Variants in ATP6V1C2 observed in about 807,000 individuals in gnomAD.
ATP6V1C2 encodes the protein ATPase H+ transporting V1 subunit C2, also known as V-type proton ATPase subunit C 2.
In ATP6V1C2, 45 loss-of-function variants were observed where a neutral mutation model predicts 56.8. The observed-to-expected ratio is 0.79, with a 90% CI of 0.62 to 1.02. ATP6V1C2 has a LOEUF of 1.02. ATP6V1C2 is among the 50% of genes least tolerant of loss of function. The probability of loss-of-function intolerance (pLI) is 0.00; values close to 1 mark genes in which losing one functional copy is unlikely to be tolerated. For synonymous variants in ATP6V1C2, 220 were observed against 201.3 expected (o/e 1.09, Z -0.79); for missense variants, 463 against 519.7 (o/e 0.89, Z 1.06).
At chr2:10,740,890 T>C (rs1239128702) in intron 3 of ATP6V1C2, among the ~76,000 whole-genome samples, 3 of 152,232 alleles carry the variant, frequency 2.0e-5, no homozygotes, top group African/African-American at 7.2e-5. Flanking sequence ...TTTCACCATG[T>C]TGGCCAGGCT....
At chr2:10,750,509 C>G (rs1297747230) in intron 3 of ATP6V1C2, among the ~76,000 whole-genome samples, 2 of 142,816 alleles carry the variant, frequency 1.4e-5, no homozygotes, top group Non-Finnish European at 3.0e-5. Flanking sequence ...GGGTGAGACC[C>G]TGTCTCAAAA....
intron 5 of ATP6V1C2, among the ~76,000 whole-genome samples, chr2:10,766,796 T>C (rs1303393364): frequency 6.6e-6 from 1 of 151,422 alleles, no homozygotes; most frequent in Admixed American, 6.6e-5. Flanking sequence ...TGCCGTATAC[T>C]ATACAGTTGT....
intron 3 of ATP6V1C2, among the ~76,000 whole-genome samples, chr2:10,750,919 C>G (rs576845702): frequency 6.6e-6 from 1 of 151,920 alleles, no homozygotes; most frequent in Non-Finnish European, 1.5e-5. Context: ...TAGTGCTTGG[C>G]GCATAGTAGT....
chr2:10,727,091 A>G (rs1362740095), intron 3 of ATP6V1C2, among the ~76,000 whole-genome samples: 1 of 146,758 alleles, frequency 6.8e-6, no homozygotes, highest in Non-Finnish European at 1.5e-5. Flanking sequence ...CTTTTTTGAG[A>G]CAGAGTCTCA....
chr2:10,765,617 G>GGCTCAGGCCCCTGCTGGGAC (rs1301517568), intron 5 of ATP6V1C2, among the ~76,000 whole-genome samples: 3 of 152,256 alleles, frequency 2.0e-5, no homozygotes, highest in Non-Finnish European at 4.4e-5. Flanking sequence ...ACATCAGAGA[G>GGCTCAGGCCCCTGCTGGGAC]GCTCAGGCCC....
At chr2:10,747,019 A>G (rs1349636956) in intron 3 of ATP6V1C2, among the ~76,000 whole-genome samples, 2 of 152,254 alleles carry the variant, frequency 1.3e-5, no homozygotes, top group Non-Finnish European at 2.9e-5. Flanking sequence ...CTGCAATCCC[A>G]GCGCTTTGGG....
At chr2:10,774,576 C>T (rs919355376) in intron 8 of ATP6V1C2, among the ~76,000 whole-genome samples, 3 of 152,222 alleles carry the variant, frequency 2.0e-5, no homozygotes, top group Non-Finnish European at 4.4e-5. Context: ...CCCCGAGGCC[C>T]CCTGAGGCCT....
chr2:10,721,442 C>T (rs1558378901), upstream of ATP6V1C2, among the ~76,000 whole-genome samples: 1 of 152,120 alleles, frequency 6.6e-6, no homozygotes, highest in Non-Finnish European at 1.5e-5. Flanking sequence ...CCGGCCCTCG[C>T]GCGTAGGGGA....
At chr2:10,728,962 C>CAA (rs1282538752) in intron 3 of ATP6V1C2, among the ~76,000 whole-genome samples, 1,447 of 112,716 alleles carry the variant, frequency 0.013, 20 homozygotes, top group Non-Finnish European at 0.018. Flanking sequence ...CATGAAAATA[C>CAA]AAAAAAAAAA....
At chr2:10,777,784 C>T (rs987177694) in intron 11 of ATP6V1C2, 62 bp downstream of exon 11, 20 of 1,543,808 alleles carry the variant, frequency 1.3e-5, no homozygotes, top group African/African-American at 2.8e-5. Context: ...GCTCAGGCGC[C>T]TTCTGGGAAA....
Position 10,774,838 on chromosome 2 carries a change from G to A in ATP6V1C2, c.689G>A (p.Arg230Gln), listed in dbSNP as rs1664855290. 6.2e-7 allele frequency: 1 copy of A among 1,614,196 alleles called. No homozygotes were observed. Among genetic ancestry groups the A allele is most frequent in the Non-Finnish European group, 8.5e-7 (1 of 1,180,040 alleles). ...GGCCTTTTCACTGTGACTCTGTTTCGAAAAGTGATTGAAGATTTCAAAACC... is the reference window on the plus strand; with the variant it reads ...GGCCTTTTCACTGTGACTCTGTTTCAAAAAGTGATTGAAGATTTCAAAACC... ...EGGLFTVTLF[R>Q]KVIEDFKTKA... Residue 230 changes from arginine to glutamine, a missense_variant, in exon 9 of 14, where the codon CGA becomes CAA. Transcript: ENST00000272238.
intron 3 of ATP6V1C2, among the ~76,000 whole-genome samples, chr2:10,727,322 G>A (rs1047618972): frequency 6.7e-6 from 1 of 149,752 alleles, no homozygotes. Context: ...CACCTGCCTC[G>A]ACCTCCCAAA....
chr2:10,773,625 C>A (rs1016248861), intron 8 of ATP6V1C2, among the ~76,000 whole-genome samples: 1 of 152,178 alleles, frequency 6.6e-6, no homozygotes, highest in Non-Finnish European at 1.5e-5. Context: ...TCAGGTGATC[C>A]GCCTGCCTCA....
intron 12 of ATP6V1C2, 56 bp downstream of exon 12, chr2:10,778,725 G>T: frequency 6.4e-7 from 1 of 1,550,684 alleles, no homozygotes; most frequent in South Asian, 1.1e-5. Context: ...AGGGTCTGGG[G>T]GAGCTATCGG....
At chr2:10,737,868 A>G (rs552237530) in intron 3 of ATP6V1C2, among the ~76,000 whole-genome samples, 1 of 152,022 alleles carries the variant, frequency 6.6e-6, no homozygotes, top group African/African-American at 2.4e-5. Context: ...TATTTTTTAT[A>G]TTTTTAGTAC....
intron 3 of ATP6V1C2, among the ~76,000 whole-genome samples, chr2:10,744,986 G>A (rs1457890808): frequency 6.9e-6 from 1 of 145,830 alleles, no homozygotes; most frequent in Non-Finnish European, 1.5e-5. Flanking sequence ...AAGAATATGG[G>A]TTTATTACTT....
chr2:10,774,736 C>A, intron 8 of ATP6V1C2, 52 bp from the exon 9 acceptor site: 1 of 1,545,342 alleles, frequency 6.5e-7, no homozygotes, highest in Non-Finnish European at 8.9e-7. Context: ...GAGCCCCACT[C>A]CCGCACAAGG....
At chr2:10,729,046 C>T (rs888944102) in intron 3 of ATP6V1C2, among the ~76,000 whole-genome samples, 2 of 150,650 alleles carry the variant, frequency 1.3e-5, no homozygotes, top group Non-Finnish European at 3.0e-5. Context: ...ACAAGAATTG[C>T]TTGAACCTGG....
At chr2:10,745,353 T>C (rs1662850912) in intron 3 of ATP6V1C2, among the ~76,000 whole-genome samples, 1 of 144,304 alleles carries the variant, frequency 6.9e-6, no homozygotes, top group Admixed American at 7.2e-5. Flanking sequence ...GTTACCTTTT[T>C]AACCGTTTTT....
Sources: gnomAD v4.1 joint callset for allele counts (sites outside exome capture counted in the v4.1 genomes callset) on GRCh38, gnomAD v4.1.1 for gene constraint, MANE v1.5 for transcripts, NCBI Gene and HGNC (gene_info 2026-07-23, HGNC 2026-07-21) for gene names.